RGS6: variants seen among roughly 807,000 people sequenced by gnomAD.
RGS6 encodes the protein regulator of G protein signaling 6.
RGS6 carries 30 observed loss-of-function variants against 78.5 expected under a neutral mutation model. The observed-to-expected ratio is 0.38, with a 90% CI of 0.29 to 0.52. The LOEUF is 0.52. Among genes scored for constraint, RGS6 ranks in the 20% least tolerant of loss-of-function variants. The pLI is 0.85. For synonymous variants in RGS6, 206 were observed against 206.0 expected (o/e 1.00, Z 0.00); for missense variants, 495 against 609.7 (o/e 0.81, Z 1.98).
the RGS6 span, among the ~76,000 whole-genome samples, chr14:72,628,072 C>T: frequency 1.3e-5 from 2 of 151,956 alleles, no homozygotes; most frequent in African/African-American, 2.4e-5. Flanking sequence ...AGTTTTATTA[C>T]TTTGTTATCC....
intron 2 of RGS6, among the ~76,000 whole-genome samples, chr14:72,071,772 A>T (rs77763129): frequency 0.033 from 5,071 of 152,316 alleles, 127 homozygotes; most frequent in African/African-American, 0.069. Context: ...CATTCTTCAT[A>T]TTGCTACATT....
intron 2 of RGS6, among the ~76,000 whole-genome samples, chr14:72,023,035 A>C (rs1018448168): frequency 1.9e-4 from 29 of 152,186 alleles, no homozygotes; most frequent in African/African-American, 7.0e-4. Flanking sequence ...CTCTCCTGTC[A>C]GTTAGAAGGC....
chr14:72,343,676 C>G (rs2247090), intron 2 of RGS6, among the ~76,000 whole-genome samples: 70,752 of 152,068 alleles, frequency 0.47, 16,806 homozygotes, highest in South Asian at 0.6. Context: ...TAGGTGAGCC[C>G]GGGCCACCCT....
chr14:72,258,674 C>A (rs541911115), intron 2 of RGS6, among the ~76,000 whole-genome samples: 23 of 152,234 alleles, frequency 1.5e-4, no homozygotes, highest in African/African-American at 4.3e-4. Context: ...TTTCTAGAGC[C>A]TCTGTTTATT....
chr14:72,395,364 G>A (rs2090974326), intron 3 of RGS6, among the ~76,000 whole-genome samples: 1 of 152,060 alleles, frequency 6.6e-6, no homozygotes, highest in South Asian at 2.1e-4. Flanking sequence ...CCTTAGAGAA[G>A]TTGGCTGGCT....
intron 17 of RGS6, among the ~76,000 whole-genome samples, chr14:72,560,109 T>TG (rs2153551699): frequency 6.8e-6 from 1 of 148,088 alleles, no homozygotes; most frequent in African/African-American, 2.6e-5. Flanking sequence ...CTTGAGTGAT[T>TG]TTTTTTTTCC....
intron 2 of RGS6, among the ~76,000 whole-genome samples, chr14:72,114,885 T>C (rs1053046931): frequency 1.3e-5 from 2 of 152,006 alleles, no homozygotes; most frequent in Admixed American, 1.3e-4. Flanking sequence ...AACAAACAAG[T>C]ATGATAAAGG....
At chr14:72,593,147 C>T in the RGS6 span, among the ~76,000 whole-genome samples, 9 of 152,336 alleles carry the variant, frequency 5.9e-5, no homozygotes, top group East Asian at 5.8e-4. Flanking sequence ...TAAGGACCCA[C>T]AACCATGCCC....
intron 2 of RGS6, among the ~76,000 whole-genome samples, chr14:72,112,521 T>C (rs904993120): frequency 2.0e-5 from 3 of 152,194 alleles, no homozygotes; most frequent in Non-Finnish European, 4.4e-5. Context: ...GAAATCACAA[T>C]GGTCCTCTTA....
chr14:72,375,745 A>G (rs1052025586), intron 3 of RGS6, among the ~76,000 whole-genome samples: 17 of 152,232 alleles, frequency 1.1e-4, no homozygotes, highest in Admixed American at 1.1e-3. Context: ...TGAGACATTC[A>G]TAAATATCGC....
At chr14:72,117,973 C>G (rs1426586397) in intron 2 of RGS6, among the ~76,000 whole-genome samples, 4 of 152,168 alleles carry the variant, frequency 2.6e-5, no homozygotes, top group Non-Finnish European at 4.4e-5. Context: ...GCAGCTAGCT[C>G]TTTCCATCTA....
intron 2 of RGS6, among the ~76,000 whole-genome samples, chr14:72,255,697 T>C (rs1328800879): frequency 6.6e-6 from 1 of 152,220 alleles, no homozygotes; most frequent in Non-Finnish European, 1.5e-5. Context: ...TTTCTATTGC[T>C]AAAAATTGCA....
chr14:72,061,052 A>G lies in RGS6; in HGVS notation c.84+96177A>G, dbSNP rs542507340. ...TATTCTGGCAGCATTGTAGGATTGC[A>G]CTTTCCCTCCTCCTCTGAAGGTAGA... On this transcript the variant is annotated intron_variant, in intron 2 of 17. Transcript: ENST00000553525. Among the ~76,000 whole-genome samples the G allele has an allele frequency of 1.7e-4, 26 of 152,286 alleles. No homozygotes were observed. In the South Asian group the frequency reaches 5.4e-3, roughly 32 times the overall value.
chr14:71,957,904 T>A (rs1595216564), intron 1 of RGS6, among the ~76,000 whole-genome samples: 1 of 152,098 alleles, frequency 6.6e-6, no homozygotes, highest in East Asian at 1.9e-4. Context: ...TAGCTGAGAC[T>A]ACAGGCAACG....
At chr14:71,886,610 A>G in the RGS6 span, among the ~76,000 whole-genome samples, 4 of 152,338 alleles carry the variant, frequency 2.6e-5, no homozygotes, top group Admixed American at 1.3e-4. Context: ...TAGCAGTTAG[A>G]GCCTAGTAGA....
rs977831078 is a variant in RGS6 at position 72,345,608 on chromosome 14, C to G, written c.85-6487C>G. 3.3e-5 allele frequency among the ~76,000 whole-genome samples: 5 copies of G among 152,290 alleles called. No homozygotes were observed. The East Asian group carries it at 9.7e-4, about 29-fold the overall frequency. The stretch of plus-strand genomic sequence containing the variant: ...TGTTTCACTTCCAACCTCCTTGGAA[C>G]CCATGCTTATCTTAGCTTCAGCCTC... On this transcript the variant is annotated intron_variant, in intron 2 of 17. Coordinates refer to ENST00000553525, the MANE Select transcript of RGS6 (RefSeq NM_001204424.2).
intron 2 of RGS6, among the ~76,000 whole-genome samples, chr14:72,273,086 C>T (rs868400021): frequency 6.7e-6 from 1 of 149,996 alleles, no homozygotes; most frequent in Non-Finnish European, 1.5e-5. Flanking sequence ...GAGCTGAGGC[C>T]GTGCCATTGC....
intron 17 of RGS6, among the ~76,000 whole-genome samples, chr14:72,560,467 G>A (rs1246954607): frequency 1.3e-5 from 2 of 152,180 alleles, no homozygotes; most frequent in African/African-American, 4.8e-5. Flanking sequence ...CCCCAGGAAG[G>A]CACATTCCCG....
intron 2 of RGS6, among the ~76,000 whole-genome samples, chr14:72,136,587 A>T (rs764071108): frequency 1.3e-5 from 2 of 152,146 alleles, no homozygotes; most frequent in African/African-American, 4.8e-5. Flanking sequence ...ACTCATTTCC[A>T]TGAGAACAGT....
Sources: gnomAD v4.1 joint callset for allele counts (sites outside exome capture counted in the v4.1 genomes callset) on GRCh38, gnomAD v4.1.1 for gene constraint, MANE v1.5 for transcripts, NCBI Gene and HGNC (gene_info 2026-07-23, HGNC 2026-07-21) for gene names.